TEK: variants seen among roughly 807,000 people sequenced by gnomAD.
TEK encodes TEK receptor tyrosine kinase.
TEK carries 43 observed loss-of-function variants against 131.8 expected under a neutral mutation model. The observed-to-expected ratio is 0.33, with a 90% CI of 0.26 to 0.42. The LOEUF (loss-of-function observed/expected upper bound fraction) is 0.42. Among genes scored for constraint, TEK ranks in the 10% least tolerant of loss-of-function variants. The pLI is 1.00. For missense variants in TEK, 1,162 were observed against 1,384.4 expected, an observed-to-expected ratio of 0.84 and a Z score of 2.55; for synonymous variants, 580 against 491.6, an observed-to-expected ratio of 1.18 and a Z score of -2.38.
intron 17 of TEK, 115 bp from the exon 18 acceptor site, chr9:27,213,369 A>G (rs1453351464): frequency 1.3e-6 from 1 of 758,270 alleles, no homozygotes; most frequent in East Asian, 2.8e-5. Context: ...AGGGAACTGG[A>G]TTGTGACTGT....
intron 15 of TEK, among the ~76,000 whole-genome samples, chr9:27,208,633 G>A (rs1339456758): frequency 6.6e-6 from 1 of 152,202 alleles, no homozygotes; most frequent in Non-Finnish European, 1.5e-5. Flanking sequence ...AAAGAGGCAT[G>A]CATTATTGGT....
intron 22 of TEK, among the ~76,000 whole-genome samples, 169 bp from the exon 23 acceptor site, chr9:27,228,989 G>A (rs1826451916): frequency 6.6e-6 from 1 of 152,144 alleles, no homozygotes; most frequent in African/African-American, 2.4e-5. Context: ...ATGCATTTTA[G>A]GAAGAAAGTC....
intron 1 of TEK, among the ~76,000 whole-genome samples, chr9:27,119,657 G>A (rs1307052388): frequency 2.0e-5 from 3 of 152,102 alleles, no homozygotes; most frequent in Non-Finnish European, 4.4e-5. Flanking sequence ...TCAACGAGCT[G>A]GCAACATTGG....
At chr9:27,139,295 A>T (rs140043101) in intron 1 of TEK, among the ~76,000 whole-genome samples, 1 of 147,624 alleles carries the variant, frequency 6.8e-6, no homozygotes, top group Non-Finnish European at 1.5e-5. Context: ...CTGAGAATTA[A>T]TAATTATTTG....
chr9:27,189,038 G>C (rs1824707293), intron 9 of TEK, among the ~76,000 whole-genome samples: 1 of 152,090 alleles, frequency 6.6e-6, no homozygotes, highest in Non-Finnish European at 1.5e-5. Flanking sequence ...CATTGAGACA[G>C]AAAGAAAAGG....
chr9:27,219,752 T>A (rs1825984296), intron 20 of TEK, among the ~76,000 whole-genome samples: 1 of 138,172 alleles, frequency 7.2e-6, no homozygotes, highest in Admixed American at 7.1e-5. Context: ...CTTATTGGTA[T>A]AATAAAGGTT....
chr9:27,205,105 C>G (rs746990320), intron 14 of TEK, 40 bp downstream of exon 14: 8 of 1,611,766 alleles, frequency 5.0e-6, no homozygotes, highest in Non-Finnish European at 3.4e-6. Flanking sequence ...AGGGCAAGTC[C>G]AAGTACAGGC....
At chr9:27,141,646 G>A (rs1334869614) in intron 1 of TEK, among the ~76,000 whole-genome samples, 2 of 152,110 alleles carry the variant, frequency 1.3e-5, no homozygotes, top group Non-Finnish European at 2.9e-5. Context: ...TACTTGGTTA[G>A]CACTGTAGTT....
At chr9:27,125,539 C>T (rs1821955399) in intron 1 of TEK, among the ~76,000 whole-genome samples, 1 of 152,100 alleles carries the variant, frequency 6.6e-6, no homozygotes, top group Admixed American at 6.5e-5. Context: ...ACCTTATGCC[C>T]AGGCAGTTGA....
At chr9:27,156,498 C>T (rs1323648746) in intron 1 of TEK, among the ~76,000 whole-genome samples, 1 of 151,730 alleles carries the variant, frequency 6.6e-6, no homozygotes, top group Non-Finnish European at 1.5e-5. Context: ...AAAGGACAAG[C>T]AGAAGGTGGC....
intron 1 of TEK, among the ~76,000 whole-genome samples, chr9:27,117,372 GA>G (rs1394289758): frequency 6.6e-6 from 1 of 152,156 alleles, no homozygotes; most frequent in Non-Finnish European, 1.5e-5. Context: ...CTTATTTTTG[GA>G]ATTTTGAACT....
chr9:27,170,320 A>G (rs912339675), intron 4 of TEK, among the ~76,000 whole-genome samples: 1 of 152,108 alleles, frequency 6.6e-6, no homozygotes, highest in Non-Finnish European at 1.5e-5. Context: ...CGGGGACACT[A>G]AGGACTCTTA....
chr9:27,152,863 C>T (rs555288385), intron 1 of TEK, among the ~76,000 whole-genome samples: 2 of 152,020 alleles, frequency 1.3e-5, no homozygotes, highest in East Asian at 1.9e-4. Context: ...AAAATATTCC[C>T]ATGTCTTAGT....
chr9:27,186,280 A>C (rs980596462), intron 9 of TEK, among the ~76,000 whole-genome samples: 6 of 152,170 alleles, frequency 3.9e-5, no homozygotes, highest in Non-Finnish European at 8.8e-5. Flanking sequence ...GTCCACGTTA[A>C]CTTGGCTGGT....
At chr9:27,173,126 C>T in intron 5 of TEK, 96 bp from the exon 6 acceptor site, 1 of 1,506,092 alleles carries the variant, frequency 6.6e-7, no homozygotes, top group Non-Finnish European at 9.2e-7. Flanking sequence ...GACTGTTTCC[C>T]ATATTCACTA....
intron 7 of TEK, among the ~76,000 whole-genome samples, chr9:27,182,739 G>T (rs948692517): frequency 6.6e-6 from 1 of 152,178 alleles, no homozygotes; most frequent in African/African-American, 2.4e-5. Context: ...ATATTTCAGG[G>T]TTATTCATTC....
At chr9:27,218,399 T>G (rs2131241608) in intron 19 of TEK, among the ~76,000 whole-genome samples, 1 of 152,266 alleles carries the variant, frequency 6.6e-6, no homozygotes, top group Admixed American at 6.5e-5. Flanking sequence ...TCCCCACTTT[T>G]GGAAGAATAC....
intron 1 of TEK, among the ~76,000 whole-genome samples, chr9:27,155,511 TA>T (rs1347436065): frequency 6.6e-6 from 1 of 152,238 alleles, no homozygotes; most frequent in African/African-American, 2.4e-5. Context: ...ATCATTCAGA[TA>T]AAGGTTTAAT....
intron 13 of TEK, 21 bp downstream of exon 13, chr9:27,203,140 T>C: frequency 1.2e-6 from 2 of 1,613,166 alleles, no homozygotes; most frequent in Non-Finnish European, 1.7e-6. Context: ...TGGACAAGTA[T>C]TTACATAGGA....
Sources: gnomAD v4.1 joint callset for allele counts (sites outside exome capture counted in the v4.1 genomes callset) on GRCh38, gnomAD v4.1.1 for gene constraint, MANE v1.5 for transcripts, NCBI Gene and HGNC (gene_info 2026-07-23, HGNC 2026-07-21) for gene names.